TTN: variants seen among roughly 807,000 people sequenced by gnomAD.
The protein encoded by TTN is titin.
Under a neutral mutation model 3,223.0 loss-of-function variants are expected in TTN, and 1,525 were observed. The ratio of observed to expected loss-of-function variants is 0.47; its 90% CI spans 0.45 to 0.49. The LOEUF is 0.49. Among genes scored for constraint, TTN ranks in the 20% least tolerant of loss-of-function variants. The probability of loss-of-function intolerance (pLI) is 0.00; values close to 1 mark genes in which losing one functional copy is unlikely to be tolerated. For missense variants in TTN, 40,786 were observed against 43,424.0 expected, an observed-to-expected ratio of 0.94 and a Z score of 5.40; for synonymous variants, 14,094 against 15,161.0, an observed-to-expected ratio of 0.93 and a Z score of 5.17.
In TTN at chr2:178,578,823, A is replaced by C. The variant is rs1398519394; in HGVS notation, c.68207T>G (p.Val22736Gly). The change falls in exon 320 of 363, where the codon GTT becomes GGT. Residue 22736 changes from valine (V) to glycine (G), a missense_variant. By Grantham distance (109) the Val-to-Gly change is moderately radical. Transcript: ENST00000589042. ...ACACTTACCAAATGGATGTCTCGCAACAATTGGCTCCGATTTCAGGCCTTC... is the reference window on the plus strand; with the variant it reads ...ACACTTACCAAATGGATGTCTCGCACCAATTGGCTCCGATTTCAGGCCTTC... The part of the protein sequence containing the change: ...VGEGLKSEPI[V>G]ARHPFDVPDA... 1 of 1,610,884 alleles carries C rather than the reference A, an allele frequency of 6.2e-7. No individual in the cohort carries two copies. The highest frequency in any genetic ancestry group is 1.3e-5 in the African/African-American group (1 of 74,820).
intron 304 of TTN, 24 bp downstream of exon 304, chr2:178,588,514 T>A (rs1318695526): frequency 2.0e-6 from 3 of 1,508,714 alleles, no homozygotes; most frequent in Non-Finnish European, 2.7e-6. Context: ...TGCTGTAATA[T>A]CAGAAAAAAC....
chr2:178,736,008 T>C lies in TTN; in HGVS notation c.14438A>G (p.Lys4813Arg). ...SLTTFVGKAA[K>R]FICTVTGTPV... ...AGTCCCTGTCACTGTGCAGATGAACTTGGCTGCCTTACCCACAAAAGTTGT... is the reference window on the plus strand; with the variant it reads ...AGTCCCTGTCACTGTGCAGATGAACCTGGCTGCCTTACCCACAAAAGTTGT... Residue 4813 changes from lysine (K) to arginine (R), a missense_variant, in exon 50 of 363, where the codon AAG (lysine) becomes AGG (arginine). Transcript: ENST00000589042. 6.2e-7 allele frequency: 1 copy of C among 1,613,012 alleles called. No homozygotes were observed.
chr2:178,741,720 G>A lies in TTN; in HGVS notation c.11513C>T (p.Thr3838Ile). 1.2e-6 allele frequency: 2 copies of A among 1,613,654 alleles called. No individual in the cohort carries two copies. The highest frequency in any genetic ancestry group is 1.7e-6 in the Non-Finnish European group (2 of 1,179,728). ...NADISMGDVATLSVTVIGIPK... is the reference protein window; with the variant it reads ...NADISMGDVAILSVTVIGIPK... ...GATGCCAATGACAGTTACAGACAGT[G>A]TAGCCACATCCCCCATGCTTATATC... Residue 3838 changes from threonine to isoleucine, a missense_variant, in exon 48 of 363, where the codon ACA (threonine) becomes ATA (isoleucine). By Grantham distance (89) the Thr-to-Ile change is moderately conservative. Coordinates refer to ENST00000589042, the MANE Select transcript of TTN (RefSeq NM_001267550.2).
Position 178,663,563 on chromosome 2 carries a change from T to C in TTN, c.36533-47A>G, listed in dbSNP as rs1190594475. The C allele has an allele frequency of 3.1e-6, 5 of 1,613,572 alleles. No individual in the cohort carries two copies. The African/African-American group carries it at 5.3e-5, about 17-fold the overall frequency. On this transcript the variant is annotated intron_variant, in intron 171 of 362. Transcript: ENST00000589042. ...TACATTTAGGCATTATGAAGACCAC[T>C]AGAAAAATATTTTCCAGAGCAGAAG...
At position 178,729,005 on chromosome 2, in the gene TTN, T is replaced by A; in HGVS notation, c.19033A>T (p.Ser6345Cys). ...DDNVYISFVD[S>C]VATLQIRSVD... is the part of the protein sequence containing the mutation. The stretch of plus-strand genomic sequence containing the variant: ...CTTCTGATTTGAAGTGTGGCCACAC[T>A]GTCCACAAATGAAATATAGACATTA... The change falls in exon 65 of 363, where the codon AGT (serine) becomes TGT (cysteine). Residue 6345 changes from serine to cysteine, a missense_variant. Coordinates refer to ENST00000589042, the MANE Select transcript of TTN (RefSeq NM_001267550.2). The A allele has an allele frequency of 6.2e-7, 1 of 1,613,054 alleles. No individual in the cohort carries two copies. Among genetic ancestry groups the A allele is most frequent in the Non-Finnish European group, 8.5e-7 (1 of 1,179,492 alleles).
rs1280421729 is a variant in TTN, at chr2:178,537,131, A to G, written c.99978T>C (p.Tyr33326=). ...CCTTGGCCTCACATTTTTCCACCAC[A>G]TAGTTGGTGATCCAGGAGCCTCCGT... The part of the protein sequence containing the change: ...ADDGGSWITN[Y]VVEKCEAKEG... The change falls in exon 356 of 363, where the codon TAT becomes TAC. Residue 33326 remains tyrosine, a synonymous_variant. Coordinates refer to ENST00000589042, the MANE Select transcript of TTN (RefSeq NM_001267550.2). 2 of 1,613,444 alleles carry G rather than the reference A, an allele frequency of 1.2e-6. No homozygotes were observed. Among genetic ancestry groups the G allele is most frequent in the Admixed American group, 1.7e-5 (1 of 59,940 alleles).
At position 178,561,528 on chromosome 2, in the gene TTN, A is replaced by G; in HGVS notation, c.84604T>C (p.Ser28202Pro). Reference sequence around the variant, plus strand: ...GCAATGAGGATTTTATTTGCTTTTGACCAAAGAATGCTGCTTCTTTCTTTA... The same window carrying G: ...GCAATGAGGATTTTATTTGCTTTTGGCCAAAGAATGCTGCTTCTTTCTTTA... ...EYKERSSILW[S>P]KANKILIADT... Residue 28202 changes from serine to proline, a missense_variant, in exon 326 of 363, where the codon TCA (serine) becomes CCA (proline). Ser to Pro is a moderately conservative substitution (Grantham distance 74, BLOSUM62 -1). Coordinates refer to ENST00000589042, the MANE Select transcript of TTN (RefSeq NM_001267550.2). 6.2e-7 allele frequency: 1 copy of G among 1,613,434 alleles called. No homozygotes were observed.
intron 219 of TTN, among the ~76,000 whole-genome samples, chr2:178,641,808 T>C (rs1009624870): frequency 1.3e-5 from 2 of 151,840 alleles, no homozygotes; most frequent in African/African-American, 2.4e-5. Context: ...GAAAGAAATG[T>C]TCAGTTTTTT....
chr2:178,611,707 C>A (rs781698590), intron 268 of TTN, 30 bp from the exon 269 acceptor site: 1 of 1,612,154 alleles, frequency 6.2e-7, no homozygotes. Flanking sequence ...TTCATATCCA[C>A]AGTCTCATCA....
At position 178,734,032 on chromosome 2, in the gene TTN, AAAGTT is replaced by A. The variant is rs1386501322; in HGVS notation, c.15497-145_15497-141del. The A allele has an allele frequency of 3.1e-5, 29 of 941,608 alleles. No homozygotes were observed. In the African/African-American group the frequency reaches 4.2e-4, roughly 13 times the overall value. 58.3% of individuals were successfully genotyped at this position (941,608 alleles called of 1,614,324 possible). ...ATAGTGTTAATTAGAAGAAGAAATA[AAAGTT>A]AAGAATAATTATAATTCCATCCAAG... On this transcript the variant is annotated intron_variant, in intron 52 of 362. Transcript: ENST00000589042.
At chr2:178,685,734 A>G in intron 127 of TTN, 136 bp from the exon 128 acceptor site, 2 of 757,186 alleles carry the variant, frequency 2.6e-6, no homozygotes, top group Non-Finnish European at 4.3e-6. Context: ...GTTCCTATTT[A>G]AAATACTCAA....
intron 279 of TTN, 52 bp from the exon 280 acceptor site, chr2:178,605,347 T>G: frequency 6.5e-7 from 1 of 1,532,152 alleles, no homozygotes. Flanking sequence ...GGATGTTTTT[T>G]TCAACTTATG....
chr2:178,758,559 G>A (rs529995473), intron 44 of TTN, among the ~76,000 whole-genome samples: 1 of 152,154 alleles, frequency 6.6e-6, no homozygotes, highest in Non-Finnish European at 1.5e-5. Context: ...ACCTGAAACG[G>A]TCTAGCTTTT....
In TTN at chr2:178,605,540, T is replaced by A; in HGVS notation, c.53755A>T (p.Thr17919Ser). The A allele has an allele frequency of 6.2e-7, 1 of 1,612,420 alleles. No individual in the cohort carries two copies. The highest frequency in any genetic ancestry group is 8.5e-7 in the Non-Finnish European group (1 of 1,178,898). The change falls in exon 279 of 363, where the codon ACC becomes TCC. Residue 17919 changes from threonine to serine, a missense_variant. Thr to Ser is a moderately conservative substitution (Grantham distance 58, BLOSUM62 1). Transcript: ENST00000589042. ...AGATTTTCAACCAGAAAAGATGTGG[T>A]TGGGCAGAGTCGCTTGTTAACTCTT... is the stretch of plus-strand genomic sequence containing the variant. ...FERVNKRLCP[T>S]TSFLVENLDE...
In TTN at chr2:178,739,913, C is replaced by T. The variant is rs768996215; in HGVS notation, c.13320G>A (p.Met4440Ile). The change falls in exon 48 of 363, where the codon ATG becomes ATA. Residue 4440 changes from methionine (M) to isoleucine (I), a missense_variant. Physicochemically the swap from Met to Ile is conservative, Grantham distance 10. Coordinates refer to ENST00000589042, the MANE Select transcript of TTN (RefSeq NM_001267550.2). ...VNITQEPRHI[M>I]CMYLVTSAKS... ...TTGCCGAAGTAACAAGGTACATGCA[C>T]ATGATGTGTCTGGGCTCTTGGGTGA... The T allele has an allele frequency of 5.0e-6, 8 of 1,613,760 alleles. No individual in the cohort carries two copies. In the African/African-American group the frequency reaches 9.3e-5, roughly 19 times the overall value.
Position 178,533,843 on chromosome 2 carries a change from G to T in TTN, c.102772C>A (p.Pro34258Thr), listed in dbSNP as rs752360286. Residue 34258 changes from proline (P) to threonine (T), a missense_variant, in exon 358 of 363, where the codon CCA becomes ACA. Transcript: ENST00000589042. ...TDTMRLLERP[P>T]EFTLPLYNKT... ...TTATAGAGAGGCAGGGTAAATTCTG[G>T]TGGCCTTTCCAGGAGTCTCATTGTG... 3.9e-5 allele frequency: 63 copies of T among 1,613,836 alleles called. No individual in the cohort carries two copies. The highest frequency in any genetic ancestry group is 1.6e-4 in the Middle Eastern group (1 of 6,084).
chr2:178,796,788 A>G (rs1476888466), intron 6 of TTN, among the ~76,000 whole-genome samples: 3 of 152,164 alleles, frequency 2.0e-5, no homozygotes, highest in Non-Finnish European at 4.4e-5. Context: ...AGGTAAGCCC[A>G]TAACTGTGAA....
intron 127 of TTN, among the ~76,000 whole-genome samples, chr2:178,686,275 T>C (rs994526125): frequency 5.4e-5 from 8 of 147,970 alleles, no homozygotes; most frequent in South Asian, 4.4e-4. Context: ...CGCCCGCCAC[T>C]ACGCCCGGCT....
In TTN at chr2:178,568,937, T is replaced by C. The variant is rs779015495; in HGVS notation, c.77195A>G (p.Gln25732Arg). Residue 25732 changes from glutamine to arginine, a missense_variant, in exon 326 of 363, where the codon CAG becomes CGG. Coordinates refer to ENST00000589042, the MANE Select transcript of TTN (RefSeq NM_001267550.2). ...TTTAGCTTGCATTTCCACAATATAC[T>C]GAATGATTTTACTGCCACCATCATG... The part of the protein sequence containing the change: ...PEHDGGSKII[Q>R]YIVEMQAKHS... 1.9e-6 allele frequency: 3 copies of C among 1,613,434 alleles called. No individual in the cohort carries two copies. In the Admixed American group the frequency reaches 5.0e-5, roughly 27 times the overall value.
Sources: gnomAD v4.1 joint callset for allele counts (sites outside exome capture counted in the v4.1 genomes callset) on GRCh38, gnomAD v4.1.1 for gene constraint, MANE v1.5 for transcripts, NCBI Gene and HGNC (gene_info 2026-07-23, HGNC 2026-07-21) for gene names.